The following DLG5 variants were observed in gnomAD, a reference collection of about 807,000 sequenced individuals.
DLG5 encodes the protein discs large MAGUK scaffold protein 5, also known as disks large homolog 5.
Under a neutral mutation model 189.8 loss-of-function variants are expected in DLG5, and 48 were observed. The ratio of observed to expected loss-of-function variants is 0.25; its 90% confidence interval spans 0.20 to 0.32. The LOEUF (loss-of-function observed/expected upper bound fraction) is 0.32. DLG5 is among the 10% of genes least tolerant of loss of function. DLG5 has a pLI of 1.00. For synonymous variants in DLG5, 1,016 were observed against 1,054.1 expected (o/e 0.96, Z 0.70); for missense variants, 2,160 against 2,544.7 (o/e 0.85, Z 3.25).
At position 77,926,153 on chromosome 10, in the gene DLG5, G is replaced by C; in HGVS notation, c.304+64C>G. The C allele has an allele frequency of 7.8e-7, 1 of 1,288,602 alleles. No homozygotes were observed. 79.8% of individuals were successfully genotyped at this position (1,288,602 alleles called of 1,614,324 possible). A position where few individuals can be genotyped will look rare whatever the true frequency, so the allele number is the denominator to read the frequency against. ...GCGGCGGCCCCGGCGAGGTACCCTCGGCCAGCAGGAGGGAGAAGCGGAGGG... is the reference window on the plus strand; with the variant it reads ...GCGGCGGCCCCGGCGAGGTACCCTCCGCCAGCAGGAGGGAGAAGCGGAGGG... On this transcript the variant is annotated intron_variant, in intron 1 of 31. Transcript: ENST00000372391. The surrounding 1 kb of genome is among the most constrained non-coding windows in gnomAD (Gnocchi z 5.2).
intron 1 of DLG5, among the ~76,000 whole-genome samples, chr10:77,916,202 G>C (rs1483997758): frequency 1.3e-5 from 2 of 152,058 alleles, no homozygotes; most frequent in African/African-American, 2.4e-5. Flanking sequence ...CCAAACAACA[G>C]AGCAAGACCC....
intron 1 of DLG5, among the ~76,000 whole-genome samples, chr10:77,883,291 A>T (rs1327856247): frequency 6.6e-6 from 1 of 152,126 alleles, no homozygotes. Flanking sequence ...GGTAGGGAAG[A>T]ATGGAGGATG....
At chr10:77,849,590 G>C (rs1843863351) in intron 5 of DLG5, among the ~76,000 whole-genome samples, 1 of 152,254 alleles carries the variant, frequency 6.6e-6, no homozygotes, top group Non-Finnish European at 1.5e-5. Context: ...CAGCTGAACT[G>C]ACCTGGGGGA....
At chr10:77,844,455 C>A (rs755550369) in intron 5 of DLG5, among the ~76,000 whole-genome samples, 1 of 152,172 alleles carries the variant, frequency 6.6e-6, no homozygotes, top group Non-Finnish European at 1.5e-5. Context: ...TTTGAGTCCT[C>A]CCAGAAAGTG....
chr10:77,827,571 CT>C (rs1564521426), intron 13 of DLG5, among the ~76,000 whole-genome samples: 1 of 152,176 alleles, frequency 6.6e-6, no homozygotes. Context: ...TTTGCATGTC[CT>C]ATGACTCAGC....
In DLG5 at chr10:77,812,257, G is replaced by A. The variant is rs568757709; in HGVS notation, c.4146C>T (p.Ile1382=). The A allele has an allele frequency of 2.0e-5, 33 of 1,614,124 alleles. No homozygotes were observed. Among genetic ancestry groups the A allele is most frequent in the African/African-American group, 2.7e-5 (2 of 75,058 alleles). Residue 1382 remains isoleucine (I), a synonymous_variant, in exon 21 of 32, where the codon ATC becomes ATT. Transcript: ENST00000372391. ...IYVSKVTVGS[I]AHQAGLEYGD... ...CATACTCGAGGCCAGCCTGGTGAGC[G>A]ATGCTCCCCACGGTCACCTTGGAGA...
rs752291358 is a variant in DLG5, at chr10:77,819,377, G to A, written c.3615C>T (p.Gly1205=). Residue 1205 remains glycine, a synonymous_variant, in exon 17 of 32, where the codon GGC becomes GGT. Coordinates refer to ENST00000372391, the MANE Select transcript of DLG5 (RefSeq NM_004747.4). ...PIYTVRSHRV[G]PCSSPPAARD... is the part of the protein sequence containing the mutation. ...GGGCCGCAGGTGGAGAGCTGCAGGG[G>A]CCGACCCTGTGACTGCGCACAGTGT... 1 of 1,614,116 alleles carries A rather than the reference G, an allele frequency of 6.2e-7. No individual in the cohort carries two copies. The highest frequency in any genetic ancestry group is 8.5e-7 in the Non-Finnish European group (1 of 1,180,030).
rs1462410168 is a variant in DLG5 at position 77,830,314 on chromosome 10, C to T, written c.1912G>A (p.Asp638Asn). 6.2e-7 allele frequency: 1 copy of T among 1,614,210 alleles called. No homozygotes were observed. The highest frequency in any genetic ancestry group is 1.1e-5 in the South Asian group (1 of 91,082). ...EDIDLKALGF[D>N]MAEGVNEPCF... The stretch of plus-strand genomic sequence containing the variant: ...GGCTCATTCACACCTTCTGCCATAT[C>T]AAACCCCAGTGCCTTCAAGTCAATA... Residue 638 changes from aspartate (D) to asparagine (N), a missense_variant, in exon 11 of 32, where the codon GAT becomes AAT. Coordinates refer to ENST00000372391, the MANE Select transcript of DLG5 (RefSeq NM_004747.4).
intron 27 of DLG5, among the ~76,000 whole-genome samples, chr10:77,800,408 G>A (rs1276158732): frequency 6.6e-6 from 1 of 152,202 alleles, no homozygotes; most frequent in African/African-American, 2.4e-5. Context: ...CCCCTTCAGA[G>A]CAACTGGAGA....
rs139094260 is a variant in DLG5, at chr10:77,861,743, T to C, written c.374-4851A>G. On this transcript the variant is annotated intron_variant, in intron 2 of 31. Transcript: ENST00000372391. ...AGACTACATGGCTAGGAAAATGGGA[T>C]TCCCATGCACACTCAGCTCTGACGC... Among the ~76,000 whole-genome samples, 359 of 152,276 alleles carry C rather than the reference T, an allele frequency of 2.4e-3. 2 individuals are homozygous for C. Among genetic ancestry groups the C allele is most frequent in the South Asian group, 0.023 (112 of 4,820 alleles).
intron 9 of DLG5, among the ~76,000 whole-genome samples, chr10:77,833,234 T>C (rs1322341069): frequency 6.6e-6 from 1 of 152,154 alleles, no homozygotes; most frequent in Non-Finnish European, 1.5e-5. Flanking sequence ...AATGACACCC[T>C]GGGAGGCTGC....
At chr10:77,794,803 C>G (rs757404718) in intron 30 of DLG5, 46 bp downstream of exon 30, 11 of 1,543,064 alleles carry the variant, frequency 7.1e-6, no homozygotes, top group South Asian at 6.8e-5. Context: ...CTCCCAGCCC[C>G]ACCTGTGACA....
At chr10:77,829,289 G>A (rs553696696) in intron 12 of DLG5, 66 bp downstream of exon 12, 58 of 1,599,414 alleles carry the variant, frequency 3.6e-5, no homozygotes, top group Middle Eastern at 2.3e-4. Flanking sequence ...GGGCACCCCC[G>A]GCCCCTGTCC....
intron 2 of DLG5, among the ~76,000 whole-genome samples, chr10:77,866,611 T>G (rs1305098068): frequency 6.6e-6 from 1 of 151,974 alleles, no homozygotes; most frequent in Non-Finnish European, 1.5e-5. Context: ...TCATTTAAAT[T>G]TAAGTAGCCA....
At chr10:77,838,514 T>C (rs1843259097) in intron 7 of DLG5, among the ~76,000 whole-genome samples, 1 of 152,174 alleles carries the variant, frequency 6.6e-6, no homozygotes, top group East Asian at 1.9e-4. Flanking sequence ...GCAAAGATCC[T>C]GACAGGCCCC....
At chr10:77,833,506 G>T (rs1268893175) in intron 9 of DLG5, among the ~76,000 whole-genome samples, 1 of 152,194 alleles carries the variant, frequency 6.6e-6, no homozygotes, top group African/African-American at 2.4e-5. Context: ...CTCTAATGGA[G>T]GCTGGCCCAT....
chr10:77,805,948 T>C, intron 26 of DLG5, 87 bp from the exon 27 acceptor site: 1 of 1,334,666 alleles, frequency 7.5e-7, no homozygotes, highest in Non-Finnish European at 1.0e-6. Flanking sequence ...AAAGCAAAGG[T>C]GGGCCAGACA....
chr10:77,898,880 G>A (rs1020880808), intron 1 of DLG5, among the ~76,000 whole-genome samples: 1 of 152,196 alleles, frequency 6.6e-6, no homozygotes, highest in South Asian at 2.1e-4. Context: ...ACGCCGGGAC[G>A]GGGCAGCAAT....
intron 29 of DLG5, 70 bp from the exon 30 acceptor site, chr10:77,795,028 G>A: frequency 7.8e-7 from 1 of 1,279,858 alleles, no homozygotes; most frequent in South Asian, 1.3e-5. Context: ...CCTGCCACCA[G>A]CAGGACCCAC....
Sources: allele counts gnomAD v4.1 joint callset (sites outside exome capture counted in the v4.1 genomes callset), GRCh38; gene constraint gnomAD v4.1.1; non-coding constraint Gnocchi (gnomAD v3.1); transcripts MANE v1.5; gene names NCBI Gene and HGNC (gene_info 2026-07-23, HGNC 2026-07-21).